JAM2: variants seen among roughly 807,000 people sequenced by gnomAD.
JAM2 encodes the protein junctional adhesion molecule 2, also known as junctional adhesion molecule B.
In JAM2, 17 loss-of-function variants were observed where a neutral mutation model predicts 42.0. The observed-to-expected ratio is 0.40, with a 90% CI of 0.28 to 0.61. The LOEUF is 0.61. Among genes scored for constraint, JAM2 ranks in the 20% least tolerant of loss-of-function variants. The pLI, the probability that JAM2 is intolerant of heterozygous loss-of-function variation, is 0.37. For synonymous variants in JAM2, 118 were observed against 128.6 expected, an observed-to-expected ratio of 0.92 and a Z score of 0.56; for missense variants, 319 against 358.3, an observed-to-expected ratio of 0.89 and a Z score of 0.89.
chr21:25,711,793 A>T (rs1320830746), intron 8 of JAM2, among the ~76,000 whole-genome samples: 1 of 152,196 alleles, frequency 6.6e-6, no homozygotes, highest in African/African-American at 2.4e-5. Context: ...GAAGGGTGAC[A>T]TAGCTGCAGT....
intron 3 of JAM2, among the ~76,000 whole-genome samples, chr21:25,691,865 A>G (rs534787367): frequency 6.6e-5 from 10 of 152,278 alleles, no homozygotes; most frequent in African/African-American, 2.4e-4. Flanking sequence ...TCCCGTCTCT[A>G]CTAAAAATAC....
intron 1 of JAM2, 48 bp downstream of exon 1, chr21:25,639,936 C>A: frequency 7.3e-7 from 1 of 1,363,706 alleles, no homozygotes. Flanking sequence ...CCAGCCTGCC[C>A]CCACCCTCCA....
intron 2 of JAM2, among the ~76,000 whole-genome samples, chr21:25,689,442 C>T (rs1399842390): frequency 6.6e-6 from 1 of 152,194 alleles, no homozygotes; most frequent in Non-Finnish European, 1.5e-5. Flanking sequence ...TGGGCTGAAA[C>T]GCCATTATCT....
At chr21:25,649,086 C>A (rs1600990085) in intron 1 of JAM2, among the ~76,000 whole-genome samples, 2 of 152,270 alleles carry the variant, frequency 1.3e-5, no homozygotes, top group South Asian at 4.1e-4. Flanking sequence ...TCCAGATTTC[C>A]TGATGCCTCC....
intron 4 of JAM2, among the ~76,000 whole-genome samples, chr21:25,696,941 C>G (rs1454772288): frequency 6.6e-6 from 1 of 151,766 alleles, no homozygotes; most frequent in Non-Finnish European, 1.5e-5. Flanking sequence ...CAACCTCAAA[C>G]TCCTTGGCTT....
In JAM2 at chr21:25,714,745, T is replaced by C; in HGVS notation, c.*73T>C. Reference sequence around the variant, plus strand: ...ATTAAACTATTATAAAACTCTGCTTTGTCCGACATTTGCAAAGAGGTACAC... The same window carrying C: ...ATTAAACTATTATAAAACTCTGCTTCGTCCGACATTTGCAAAGAGGTACAC... On this transcript the variant is annotated 3_prime_UTR_variant, in exon 10 of 10. Coordinates refer to ENST00000480456, the MANE Select transcript of JAM2 (RefSeq NM_021219.4). The C allele has an allele frequency of 9.9e-7, 1 of 1,009,352 alleles. No homozygotes were observed. The highest frequency in any genetic ancestry group is 2.0e-5 in the South Asian group (1 of 50,856). 62.5% of individuals were successfully genotyped at this position (1,009,352 alleles called of 1,614,324 possible).
chr21:25,708,939 ACTAC>A (rs2034327175), intron 7 of JAM2, among the ~76,000 whole-genome samples: 1 of 152,142 alleles, frequency 6.6e-6, no homozygotes, highest in Non-Finnish European at 1.5e-5. Context: ...AGGTTGGCAG[ACTAC>A]TATCTGTGGA....
intron 1 of JAM2, among the ~76,000 whole-genome samples, chr21:25,653,985 T>C (rs1443262127): frequency 6.6e-6 from 1 of 152,168 alleles, no homozygotes; most frequent in African/African-American, 2.4e-5. Context: ...AGAAAATCAA[T>C]AAAATGTTTA....
chr21:25,700,473 G>A (rs190486497), intron 5 of JAM2, among the ~76,000 whole-genome samples: 48 of 152,264 alleles, frequency 3.2e-4, no homozygotes, highest in African/African-American at 1.1e-3. Flanking sequence ...TAATTCTCCT[G>A]CCTCAGCCTC....
intron 3 of JAM2, among the ~76,000 whole-genome samples, chr21:25,690,435 C>T (rs1367887520): frequency 1.3e-5 from 2 of 152,014 alleles, no homozygotes; most frequent in Non-Finnish European, 2.9e-5. Context: ...CTCAAGTTAT[C>T]CTCCCATCTC....
At position 25,702,257 on chromosome 21, in the gene JAM2, C is replaced by T. The variant is rs781261918; in HGVS notation, c.685C>T (p.Arg229Ter). Residue 229 changes from arginine to a stop codon, truncating the protein, a stop_gained, in exon 6 of 10, where the codon CGA becomes TGA. Coordinates refer to ENST00000480456, the MANE Select transcript of JAM2 (RefSeq NM_021219.4). LOFTEE classifies it high-confidence loss of function. ...SVGYRRCPGK[R>*]MQVDDLNISG... ...TGGATATCGCAGGTGTCCTGGGAAA[C>T]GAATGCAAGTAGGTAAGCATGAAAT... The T allele has an allele frequency of 3.1e-5, 50 of 1,589,698 alleles. No homozygotes were observed. The highest frequency in any genetic ancestry group is 4.5e-5 in the East Asian group (2 of 44,570).
intron 3 of JAM2, 122 bp downstream of exon 3, chr21:25,690,095 G>C (rs2033844713): frequency 1.5e-6 from 1 of 665,766 alleles, no homozygotes; most frequent in Non-Finnish European, 2.7e-6. Flanking sequence ...GTAAGTGTGA[G>C]ATGAAAGCAA....
intron 1 of JAM2, among the ~76,000 whole-genome samples, chr21:25,654,309 A>C (rs561519002): frequency 6.6e-6 from 1 of 152,326 alleles, no homozygotes; most frequent in African/African-American, 2.4e-5. Flanking sequence ...TGGAAGGATC[A>C]GTCTGTTATC....
At chr21:25,679,267 C>T (rs2033572373) in intron 1 of JAM2, among the ~76,000 whole-genome samples, 2 of 152,168 alleles carry the variant, frequency 1.3e-5, no homozygotes, top group African/African-American at 4.8e-5. Flanking sequence ...CTCTCCTTTC[C>T]AGGAGTATAA....
chr21:25,662,033 A>C (rs1158537650), intron 1 of JAM2, among the ~76,000 whole-genome samples: 1 of 152,202 alleles, frequency 6.6e-6, no homozygotes, highest in African/African-American at 2.4e-5. Flanking sequence ...AGGTAAGGAT[A>C]GTTTTTGAGT....
At chr21:25,679,615 C>T (rs572523433) in intron 1 of JAM2, among the ~76,000 whole-genome samples, 72 of 152,350 alleles carry the variant, frequency 4.7e-4, no homozygotes, top group African/African-American at 1.7e-3. Flanking sequence ...CCAGATATCA[C>T]TAGTGTCAAG....
At chr21:25,640,449 A>G (rs1370467718) in intron 1 of JAM2, among the ~76,000 whole-genome samples, 2 of 152,220 alleles carry the variant, frequency 1.3e-5, no homozygotes, top group Admixed American at 6.5e-5. Flanking sequence ...GCACATCTAC[A>G]TTCACTTAGA....
chr21:25,709,518 A>C lies in JAM2; in HGVS notation c.821+69A>C. On this transcript the variant is annotated intron_variant, in intron 8 of 9. Transcript: ENST00000480456. ...CTAATTTTCTATTAATCATCTGTTT[A>C]AAGTCAAAAGAGAGAAGTTGGGTTA... 8 of 1,044,618 alleles carry C rather than the reference A, an allele frequency of 7.7e-6. No homozygotes were observed. The South Asian group carries it at 1.2e-4, about 16-fold the overall frequency. The allele number at this position is 1,044,618 out of a possible 1,614,324, so 64.7% of individuals were successfully genotyped here. A position where few individuals can be genotyped will look rare whatever the true frequency, so the allele number is the denominator to read the frequency against.
chr21:25,688,375 G>A (rs2033802238), intron 2 of JAM2, among the ~76,000 whole-genome samples: 1 of 152,128 alleles, frequency 6.6e-6, no homozygotes, highest in African/African-American at 2.4e-5. Flanking sequence ...AGACACAGAA[G>A]ACATGAGGAA....
Sources: gnomAD v4.1 joint callset for allele counts (sites outside exome capture counted in the v4.1 genomes callset) on GRCh38, gnomAD v4.1.1 for gene constraint, MANE v1.5 for transcripts, NCBI Gene and HGNC (gene_info 2026-07-23, HGNC 2026-07-21) for gene names.